Variants in TRIO observed in about 807,000 individuals in gnomAD.
TRIO encodes the protein triple functional domain protein.
A neutral mutation model predicts 351.9 loss-of-function variants in TRIO; 58 were observed. The ratio of observed to expected loss-of-function variants is 0.16; its 90% CI spans 0.13 to 0.21. The LOEUF is 0.21. Among genes scored for constraint, TRIO ranks in the 10% least tolerant of loss-of-function variants. The pLI is 1.00. For synonymous variants in TRIO, 1,758 were observed against 1,595.7 expected, an observed-to-expected ratio of 1.10 and a Z score of -2.42; for missense variants, 3,201 against 4,027.8, an observed-to-expected ratio of 0.79 and a Z score of 5.56.
intron 1 of TRIO, among the ~76,000 whole-genome samples, chr5:14,164,711 C>A (rs1245904011): frequency 1.3e-5 from 2 of 152,174 alleles, no homozygotes; most frequent in Admixed American, 6.5e-5. Context: ...CAAAATTTTG[C>A]TCCTGTCACC....
chr5:14,464,382 G>T (rs997853969), intron 36 of TRIO, among the ~76,000 whole-genome samples: 1 of 152,104 alleles, frequency 6.6e-6, no homozygotes, highest in Non-Finnish European at 1.5e-5. Flanking sequence ...ATGTTACCTC[G>T]TTGAGTATTA....
chr5:14,454,696 C>G lies in TRIO; in HGVS notation c.5204-6323C>G, dbSNP rs546424036. The stretch of plus-strand genomic sequence containing the variant: ...GTTAGAAACAACCAGACATGGTGCC[C>G]TGGAGTCTAAGGTCATGGTTGGCTT... On this transcript the variant is annotated intron_variant, in intron 34 of 56. Transcript: ENST00000344204. 3.3e-5 allele frequency among the ~76,000 whole-genome samples: 5 copies of G among 152,344 alleles called. 1 individual carries two copies. Among genetic ancestry groups the G allele is most frequent in the African/African-American group, 1.2e-4 (5 of 41,578 alleles).
intron 1 of TRIO, among the ~76,000 whole-genome samples, chr5:14,152,241 A>G (rs1787881467): frequency 1.3e-5 from 2 of 152,228 alleles, no homozygotes; most frequent in Admixed American, 1.3e-4. Context: ...CCCAGCGTTC[A>G]CTGCCCTTTT....
intron 34 of TRIO, among the ~76,000 whole-genome samples, chr5:14,458,447 A>T (rs1445849172): frequency 6.6e-6 from 1 of 152,182 alleles, no homozygotes; most frequent in Non-Finnish European, 1.5e-5. Context: ...CATCTCCTTC[A>T]GGGACCCTTC....
chr5:14,426,240 GCACA>G (rs1750630758), intron 34 of TRIO, among the ~76,000 whole-genome samples: 2 of 151,672 alleles, frequency 1.3e-5, no homozygotes, highest in Non-Finnish European at 2.9e-5. Context: ...ACACACATGT[GCACA>G]CACACGCACA....
chr5:14,258,471 T>A (rs1327340090), intron 1 of TRIO, among the ~76,000 whole-genome samples: 3 of 152,176 alleles, frequency 2.0e-5, no homozygotes, highest in African/African-American at 7.2e-5. Context: ...TTCCCTGTGC[T>A]TTTTAGTAGA....
At chr5:14,444,500 G>A (rs1007627002) in intron 34 of TRIO, among the ~76,000 whole-genome samples, 1 of 152,166 alleles carries the variant, frequency 6.6e-6, no homozygotes, top group African/African-American at 2.4e-5. Context: ...TGCTGTAGAA[G>A]CCAGTTTGTC....
At chr5:14,307,419 G>C (rs778364652) in intron 8 of TRIO, among the ~76,000 whole-genome samples, 17 of 152,156 alleles carry the variant, frequency 1.1e-4, no homozygotes, top group Non-Finnish European at 2.2e-4. Flanking sequence ...GTCTTTCTCT[G>C]CCTTTATGTC....
chr5:14,427,262 G>A (rs964274749), intron 34 of TRIO, among the ~76,000 whole-genome samples: 24 of 152,226 alleles, frequency 1.6e-4, no homozygotes, highest in African/African-American at 5.5e-4. Context: ...TTGGCCAGTG[G>A]CCCCACCACC....
chr5:14,292,093 T>A (rs1040332447), intron 5 of TRIO, among the ~76,000 whole-genome samples: 2 of 152,262 alleles, frequency 1.3e-5, no homozygotes, highest in African/African-American at 2.4e-5. Flanking sequence ...GGTGAATTAA[T>A]CATTGAGTTT....
chr5:14,154,454 A>AT lies in TRIO; in HGVS notation c.157+10579dup, dbSNP rs1030680074. Reference sequence around the variant, plus strand: ...TATAGCTGTTTCGTTGTAGCCACTCATTTTTTTGCTGTTTTTCATCAAAAT... The same window carrying AT: ...TATAGCTGTTTCGTTGTAGCCACTCATTTTTTTTGCTGTTTTTCATCAAAAT... On this transcript the variant is annotated intron_variant, in intron 1 of 56. Coordinates refer to ENST00000344204, the MANE Select transcript of TRIO (RefSeq NM_007118.4). Among the ~76,000 whole-genome samples the AT allele has an allele frequency of 5.3e-5, 8 of 152,032 alleles. No homozygotes were observed. The East Asian group carries it at 7.7e-4, about 15-fold the overall frequency.
At chr5:14,445,645 A>C (rs1032185337) in intron 34 of TRIO, among the ~76,000 whole-genome samples, 3 of 152,214 alleles carry the variant, frequency 2.0e-5, no homozygotes, top group African/African-American at 7.2e-5. Flanking sequence ...GCATGAGAAG[A>C]CTAGAATTAT....
At chr5:14,170,072 C>A (rs948571569) in intron 1 of TRIO, among the ~76,000 whole-genome samples, 2 of 152,146 alleles carry the variant, frequency 1.3e-5, no homozygotes, top group Non-Finnish European at 1.5e-5. Context: ...TTGGCAGGCA[C>A]CGAGGGAATT....
intron 1 of TRIO, among the ~76,000 whole-genome samples, chr5:14,199,850 A>T (rs765707096): frequency 2.0e-4 from 31 of 152,174 alleles, no homozygotes; most frequent in Admixed American, 2.6e-4. Context: ...GTAAGGCTGT[A>T]CCTATTCCAA....
chr5:14,263,969 C>T (rs1051051956), intron 1 of TRIO, among the ~76,000 whole-genome samples: 19 of 152,178 alleles, frequency 1.2e-4, no homozygotes, highest in African/African-American at 4.1e-4. Flanking sequence ...CACACCTGGG[C>T]ACATGGTTTC....
intron 1 of TRIO, among the ~76,000 whole-genome samples, chr5:14,190,263 T>C (rs1480759852): frequency 6.6e-6 from 1 of 151,960 alleles, no homozygotes; most frequent in East Asian, 1.9e-4. Context: ...GGGCAGGCAG[T>C]CCAGCTAGCG....
chr5:14,258,032 CCA>C (rs1448704938), intron 1 of TRIO, among the ~76,000 whole-genome samples: 2 of 151,940 alleles, frequency 1.3e-5, no homozygotes, highest in Non-Finnish European at 2.9e-5. Context: ...AGGTAACTGC[CCA>C]CAGTCACCCC....
At chr5:14,377,958 G>C in intron 19 of TRIO, 54 bp from the exon 20 acceptor site, 1 of 1,344,502 alleles carries the variant, frequency 7.4e-7, no homozygotes, top group African/African-American at 1.4e-5. Flanking sequence ...GAATTTCGCG[G>C]TTGTTTTAAT....
chr5:14,205,499 C>A (rs1344976931), intron 1 of TRIO, among the ~76,000 whole-genome samples: 1 of 152,048 alleles, frequency 6.6e-6, no homozygotes, highest in Non-Finnish European at 1.5e-5. Context: ...GTTCCTTGGC[C>A]AGGGAGAGGA....
Sources: allele counts gnomAD v4.1 joint callset (sites outside exome capture counted in the v4.1 genomes callset), GRCh38; gene constraint gnomAD v4.1.1; transcripts MANE v1.5; gene names NCBI Gene and HGNC (gene_info 2026-07-23, HGNC 2026-07-21).